ODAD2: variants seen among roughly 807,000 people sequenced by gnomAD.
ODAD2 encodes the protein outer dynein arm-docking complex subunit 2.
In ODAD2, 89 loss-of-function variants were observed where a neutral mutation model predicts 106.8. The ratio of observed to expected loss-of-function variants is 0.83; its 90% CI spans 0.70 to 0.99. The LOEUF (loss-of-function observed/expected upper bound fraction) is 0.99. Among genes scored for constraint, ODAD2 ranks in the 50% least tolerant of loss-of-function variants. ODAD2 has a pLI of 0.00. For missense variants in ODAD2, 1,168 were observed against 1,238.5 expected (o/e 0.94, Z 0.85); for synonymous variants, 404 against 436.2 (o/e 0.93, Z 0.92).
chr10:27,841,847 C>T lies in ODAD2; in HGVS notation c.3021+18778G>A, dbSNP rs145036456. 1.5e-3 allele frequency among the ~76,000 whole-genome samples: 229 copies of T among 152,180 alleles called. 1 individual carries two copies. The highest frequency in any genetic ancestry group is 5.4e-3 in the African/African-American group (225 of 41,522). ...ACAGCTCACTGCAGCCTCGACCTCC[C>T]AGGCTAAAGTGATCCTCCCACCTGA... is the stretch of plus-strand genomic sequence containing the variant. On this transcript the variant is annotated intron_variant, in intron 19 of 19. Transcript: ENST00000305242.
chr10:27,818,650 T>A (rs1426135192), intron 19 of ODAD2, among the ~76,000 whole-genome samples: 1 of 152,204 alleles, frequency 6.6e-6, no homozygotes, highest in Non-Finnish European at 1.5e-5. Flanking sequence ...ATATTTGTTG[T>A]TTAGGTAATA....
At chr10:27,969,766 C>T (rs1848713529) in intron 8 of ODAD2, among the ~76,000 whole-genome samples, 1 of 152,170 alleles carries the variant, frequency 6.6e-6, no homozygotes, top group Admixed American at 6.5e-5. Flanking sequence ...AATGGGACAA[C>T]ATAGAATATC....
At chr10:27,893,932 C>T (rs1273489255) in intron 17 of ODAD2, among the ~76,000 whole-genome samples, 1 of 151,958 alleles carries the variant, frequency 6.6e-6, no homozygotes, top group Non-Finnish European at 1.5e-5. Context: ...GGTGGATCAC[C>T]TGGAGCCTGG....
intron 10 of ODAD2, chr10:27,959,036 T>C (rs1466811076): frequency 1.9e-5 from 24 of 1,294,650 alleles, no homozygotes; most frequent in Non-Finnish European, 1.8e-5. Context: ...TTAATTCATC[T>C]TCTGAAAGAC....
chr10:27,928,080 C>G (rs1215782219), intron 16 of ODAD2, among the ~76,000 whole-genome samples: 2 of 152,052 alleles, frequency 1.3e-5, no homozygotes, highest in Non-Finnish European at 2.9e-5. Flanking sequence ...ATTTATTATA[C>G]AATAAGCATT....
At chr10:27,866,200 AG>A (rs1261201504) in intron 17 of ODAD2, among the ~76,000 whole-genome samples, 1 of 152,308 alleles carries the variant, frequency 6.6e-6, no homozygotes, top group East Asian at 1.9e-4. Context: ...TTACCCTTTG[AG>A]GCAGTTAGTG....
rs1242072375 is a variant in ODAD2 at position 27,944,232 on chromosome 10, A to C, written c.1733T>G (p.Ile578Ser). The C allele has an allele frequency of 2.5e-6, 4 of 1,611,916 alleles. No individual in the cohort carries two copies. In the East Asian group the frequency reaches 8.9e-5, roughly 36 times the overall value. ...ATCACGGCTACTCACCAGTTTGGTG[A>C]TACCCCCGTGCTGCCTCACCACCCG... ...ARRVVRQHGG[I>S]TKLVALLDCA... The change falls in exon 12 of 20, where the codon ATC (isoleucine) becomes AGC (serine). Residue 578 changes from isoleucine to serine, a missense_variant. By Grantham distance (142) the Ile-to-Ser change is moderately radical (BLOSUM62 -2). Transcript: ENST00000305242.
chr10:27,836,168 T>C (rs1837869124), intron 19 of ODAD2: 1 of 152,206 alleles, frequency 6.6e-6, no homozygotes, highest in African/African-American at 2.4e-5. Context: ...ACTGTATATA[T>C]ATTCAGTACA....
intron 17 of ODAD2, among the ~76,000 whole-genome samples, chr10:27,865,750 C>T (rs560407579): frequency 2.0e-5 from 3 of 152,310 alleles, no homozygotes; most frequent in African/African-American, 7.2e-5. Context: ...TAAAAGAAAG[C>T]TTTCACTGTG....
intron 10 of ODAD2, among the ~76,000 whole-genome samples, chr10:27,961,017 T>C (rs757922791): frequency 1.3e-5 from 2 of 152,168 alleles, no homozygotes; most frequent in African/African-American, 2.4e-5. Flanking sequence ...TTCTCATATA[T>C]GCTATCTGAC....
In ODAD2 at chr10:27,860,635, C is replaced by T. The variant is rs768774922; in HGVS notation, c.3011G>A (p.Gly1004Asp). ...GTCATTCAACTGTACCTTTACTGCA[C>T]CATTCTCATGCATGGTGATGCAGTT... ...ADNCITMHEN[G>D]AVKLLLDMVG... Residue 1004 changes from glycine to aspartate, a missense_variant, in exon 19 of 20, where the codon GGT becomes GAT. By Grantham distance (94) the Gly-to-Asp change is moderately conservative. Around this residue, in one of 3 missense-constraint regions of ODAD2, gnomAD observed 701 missense variants for 712.3 expected, o/e 0.98. Transcript: ENST00000305242. The T allele has an allele frequency of 2.7e-5, 43 of 1,613,908 alleles. No individual in the cohort carries two copies. Among genetic ancestry groups the T allele is most frequent in the Non-Finnish European group, 3.5e-5 (41 of 1,179,948 alleles).
intron 7 of ODAD2, among the ~76,000 whole-genome samples, chr10:27,980,443 AG>A (rs1849473655): frequency 6.6e-6 from 1 of 152,286 alleles, no homozygotes; most frequent in South Asian, 2.1e-4. Context: ...CTATCTGATA[AG>A]GGGTTAATAT....
chr10:27,862,106 G>A (rs73604086), intron 18 of ODAD2, among the ~76,000 whole-genome samples: 2,140 of 152,228 alleles, frequency 0.014, 45 homozygotes, highest in African/African-American at 0.05. Flanking sequence ...AAGAACCATC[G>A]AGAATCATAA....
At chr10:27,899,359 A>G (rs59088367) in intron 17 of ODAD2, among the ~76,000 whole-genome samples, 23,574 of 151,984 alleles carry the variant, frequency 0.16, 1,939 homozygotes, top group Non-Finnish European at 0.17. Context: ...CACCAAAGCC[A>G]TGGGTTTCAA....
chr10:27,820,080 T>C (rs932946780), intron 19 of ODAD2, among the ~76,000 whole-genome samples: 1 of 152,138 alleles, frequency 6.6e-6, no homozygotes, highest in African/African-American at 2.4e-5. Flanking sequence ...CCTGGAGGCC[T>C]GGCCTGGTTA....
In ODAD2 at chr10:27,961,407, G is replaced by A. The variant is rs1429699589; in HGVS notation, c.1386+161C>T. ...CATGAGGATGAATCTTGCATCCTCA[G>A]GGTAATAAGACCTTGCCCTGCACAA... On this transcript the variant is annotated intron_variant, in intron 10 of 19. Coordinates refer to ENST00000305242, the MANE Select transcript of ODAD2 (RefSeq NM_018076.5). 2.0e-5 allele frequency among the ~76,000 whole-genome samples: 3 copies of A among 152,168 alleles called. No homozygotes were observed. The East Asian group carries it at 5.8e-4, about 29-fold the overall frequency.
intron 19 of ODAD2, among the ~76,000 whole-genome samples, chr10:27,843,131 A>G (rs1236869694): frequency 6.6e-6 from 1 of 152,218 alleles, no homozygotes; most frequent in Non-Finnish European, 1.5e-5. Context: ...TTTATCTAAA[A>G]TAAATTAGAA....
intron 17 of ODAD2, among the ~76,000 whole-genome samples, chr10:27,884,008 G>A (rs1183971552): frequency 1.5e-4 from 22 of 151,536 alleles, no homozygotes. Flanking sequence ...GAGGCAGAAA[G>A]GATATTTGAA....
intron 17 of ODAD2, among the ~76,000 whole-genome samples, chr10:27,894,514 T>G (rs1319370002): frequency 6.6e-6 from 1 of 151,958 alleles, no homozygotes; most frequent in Non-Finnish European, 1.5e-5. Context: ...ATGCTAAAAT[T>G]TTTACCAAAG....
Sources: allele counts gnomAD v4.1 joint callset (sites outside exome capture counted in the v4.1 genomes callset), GRCh38; gene constraint gnomAD v4.1.1; regional missense constraint gnomAD v4.1.1; transcripts MANE v1.5; gene names NCBI Gene and HGNC (gene_info 2026-07-23, HGNC 2026-07-21).